Variants in TTLL11 observed in about 807,000 individuals in gnomAD.
TTLL11 encodes the protein tubulin polyglutamylase TTLL11.
TTLL11 carries 42 observed loss-of-function variants against 51.7 expected under a neutral mutation model. The observed-to-expected ratio is 0.81, with a 90% CI of 0.64 to 1.05. The LOEUF (loss-of-function observed/expected upper bound fraction) is 1.05. Ranked by LOEUF, TTLL11 falls within the 50% of genes least tolerant of loss-of-function variation. The probability of loss-of-function intolerance (pLI) is 0.00; values close to 1 mark genes in which losing one functional copy is unlikely to be tolerated. For missense variants in TTLL11, 799 were observed against 940.4 expected (o/e 0.85, Z 1.97); for synonymous variants, 381 against 383.5 (o/e 0.99, Z 0.08).
At chr9:122,009,224 C>A (rs1178286830) in intron 3 of TTLL11, among the ~76,000 whole-genome samples, 1 of 152,084 alleles carries the variant, frequency 6.6e-6, no homozygotes, top group Non-Finnish European at 1.5e-5. Context: ...GTGAGGTAAT[C>A]TGCATGTTAA....
chr9:121,864,031 G>A (rs1838101358), intron 7 of TTLL11, among the ~76,000 whole-genome samples: 2 of 152,174 alleles, frequency 1.3e-5, no homozygotes, highest in Admixed American at 6.5e-5. Context: ...TATGGGGCTG[G>A]GGCTAAGCAA....
chr9:122,051,834 G>T (rs1459497124), intron 1 of TTLL11, among the ~76,000 whole-genome samples: 1 of 152,114 alleles, frequency 6.6e-6, no homozygotes, highest in East Asian at 1.9e-4. Flanking sequence ...TTTCCCCTTG[G>T]TCAGGGCTCT....
intron 3 of TTLL11, among the ~76,000 whole-genome samples, chr9:121,998,179 A>G (rs1384644174): frequency 6.6e-6 from 1 of 151,966 alleles, no homozygotes; most frequent in Non-Finnish European, 1.5e-5. Context: ...GCTTCAGATC[A>G]CTGGGCCCAG....
intron 6 of TTLL11, among the ~76,000 whole-genome samples, chr9:121,921,458 A>G (rs183979338): frequency 2.6e-5 from 4 of 152,300 alleles, no homozygotes; most frequent in African/African-American, 9.6e-5. Context: ...TTATAAAAAA[A>G]ACTCGCCACA....
At chr9:121,903,766 T>A (rs1260522438) in intron 6 of TTLL11, among the ~76,000 whole-genome samples, 3 of 152,192 alleles carry the variant, frequency 2.0e-5, no homozygotes, top group Non-Finnish European at 4.4e-5. Context: ...CACCAACCTC[T>A]CTGGTTCTGC....
intron 6 of TTLL11, among the ~76,000 whole-genome samples, chr9:121,871,394 T>C (rs1424275568): frequency 6.6e-6 from 1 of 152,012 alleles, no homozygotes; most frequent in Admixed American, 6.5e-5. Flanking sequence ...TATATATTAT[T>C]CCCCCTGCCC....
At chr9:121,920,144 A>G (rs745621063) in intron 6 of TTLL11, among the ~76,000 whole-genome samples, 6 of 152,126 alleles carry the variant, frequency 3.9e-5, no homozygotes, top group Non-Finnish European at 8.8e-5. Flanking sequence ...TCCAAAAAAA[A>G]TACAAAACAT....
intron 1 of TTLL11, among the ~76,000 whole-genome samples, chr9:122,054,125 C>T (rs1845233547): frequency 6.6e-6 from 1 of 152,072 alleles, no homozygotes; most frequent in East Asian, 1.9e-4. Context: ...AGTTAATCAC[C>T]AAAGCATGTT....
At chr9:121,926,242 C>G (rs1840728634) in intron 6 of TTLL11, among the ~76,000 whole-genome samples, 1 of 152,174 alleles carries the variant, frequency 6.6e-6, no homozygotes, top group African/African-American at 2.4e-5. Context: ...CTGGGGGACC[C>G]TGCGCTGCCC....
chr9:121,815,739 T>C lies in TTLL11; in HGVS notation c.*6848A>G, dbSNP rs1044865838. ...CGTTTTATTATTGCGTTTTATGAAGTTGCCAAGACAACTGAGGCCAAGTAA... is the reference window on the plus strand; with the variant it reads ...CGTTTTATTATTGCGTTTTATGAAGCTGCCAAGACAACTGAGGCCAAGTAA... On this transcript the variant is annotated 3_prime_UTR_variant, in exon 9 of 9. Transcript: ENST00000321582. The C allele has an allele frequency of 6.6e-6, 1 of 152,208 alleles. No individual in the cohort carries two copies. The highest frequency in any genetic ancestry group is 2.4e-5 in the African/African-American group (1 of 41,448). 9.4% of individuals were successfully genotyped at this position (152,208 alleles called of 1,614,324 possible). A position where few individuals can be genotyped will look rare whatever the true frequency, so the allele number is the denominator to read the frequency against.
At chr9:121,884,924 A>G (rs1412653556) in intron 6 of TTLL11, 1 of 152,264 alleles carries the variant, frequency 6.6e-6, no homozygotes, top group African/African-American at 2.4e-5. Flanking sequence ...GAACAAAGCA[A>G]GGCACCCACT....
In TTLL11 at chr9:121,989,666, A is replaced by G. The variant is rs1329778739; in HGVS notation, c.798T>C (p.Ser266=). 3 of 1,614,042 alleles carry G rather than the reference A, an allele frequency of 1.9e-6. No individual in the cohort carries two copies. In the African/African-American group the frequency reaches 4.0e-5, roughly 22 times the overall value. The change falls in exon 4 of 9, where the codon AGT becomes AGC. Residue 266 remains serine (S), a synonymous_variant. Transcript: ENST00000321582. This position sits in a 1 kb window ranked among gnomAD's most constrained non-coding sequence, Gnocchi z 4.2. The part of the protein sequence containing the change: ...GDGIYLIKDP[S]DIRLAGTLQS... The stretch of plus-strand genomic sequence containing the variant: ...GGAGGGTCCCTGCCAGGCGGATGTC[A>G]CTGGGGTCTTTAATGAGGTAGATTC...
chr9:121,935,019 A>G (rs1025373140), intron 6 of TTLL11, among the ~76,000 whole-genome samples: 1 of 152,028 alleles, frequency 6.6e-6, no homozygotes, highest in Non-Finnish European at 1.5e-5. Context: ...CAATGGCGCA[A>G]TCTCGGCTCA....
intron 6 of TTLL11, among the ~76,000 whole-genome samples, chr9:121,967,376 C>T (rs1457467861): frequency 6.6e-6 from 1 of 151,900 alleles, no homozygotes; most frequent in Non-Finnish European, 1.5e-5. Flanking sequence ...AGGTGCCCAC[C>T]ACCAGGCCCA....
At chr9:122,022,685 C>T (rs1316497735) in intron 3 of TTLL11, among the ~76,000 whole-genome samples, 1 of 151,778 alleles carries the variant, frequency 6.6e-6, no homozygotes, top group East Asian at 1.9e-4. Context: ...TGTGAATCTA[C>T]ACAAAAAAAT....
At chr9:122,089,630 T>A (rs1277715766) in intron 1 of TTLL11, among the ~76,000 whole-genome samples, 1 of 152,204 alleles carries the variant, frequency 6.6e-6, no homozygotes, top group Non-Finnish European at 1.5e-5. Context: ...ATTCATTTGA[T>A]GAATATTTAT....
In TTLL11 at chr9:121,881,420, G is replaced by A. The variant is rs1235280630; in HGVS notation, c.1482-10672C>T. On this transcript the variant is annotated intron_variant, in intron 6 of 8. Coordinates refer to ENST00000321582, the MANE Select transcript of TTLL11 (RefSeq NM_001139442.2). ...CTCTTCTATACACTGAGCACCCGAT[G>A]AACCCTTATTCAGTAATTCCGTAGG... is the stretch of plus-strand genomic sequence containing the variant. Among the ~76,000 whole-genome samples, 8 of 152,194 alleles carry A rather than the reference G, an allele frequency of 5.3e-5. No homozygotes were observed. The East Asian group carries it at 1.5e-3, about 29-fold the overall frequency.
At chr9:122,053,692 G>A (rs1329346272) in intron 1 of TTLL11, among the ~76,000 whole-genome samples, 4 of 152,172 alleles carry the variant, frequency 2.6e-5, no homozygotes, top group Non-Finnish European at 5.9e-5. Context: ...CAGGGAGCAG[G>A]GCTGGGGGAA....
At chr9:121,823,311 C>T (rs970195027) in intron 8 of TTLL11, among the ~76,000 whole-genome samples, 6 of 152,160 alleles carry the variant, frequency 3.9e-5, no homozygotes, top group Non-Finnish European at 7.3e-5. Flanking sequence ...TTTGGGAGGC[C>T]GAGGTGCGTG....
Sources: allele counts gnomAD v4.1 joint callset (sites outside exome capture counted in the v4.1 genomes callset), GRCh38; gene constraint gnomAD v4.1.1; non-coding constraint Gnocchi (gnomAD v3.1); transcripts MANE v1.5; gene names NCBI Gene and HGNC (gene_info 2026-07-23, HGNC 2026-07-21).